Variants in LRRC72 observed in about 807,000 individuals in gnomAD.
The protein encoded by LRRC72 is leucine-rich repeat-containing protein 72.
A neutral mutation model predicts 35.8 loss-of-function variants in LRRC72; 41 were observed. The ratio of observed to expected loss-of-function variants is 1.15; its 90% confidence interval spans 0.89 to 1.49. LRRC72 has a LOEUF of 1.49. LRRC72 is among the 40% of genes most tolerant of loss of function. The pLI is 0.00. For synonymous variants in LRRC72, 118 were observed against 119.2 expected, an observed-to-expected ratio of 0.99 and a Z score of 0.07; for missense variants, 389 against 330.7, an observed-to-expected ratio of 1.18 and a Z score of -1.37.
chr7:16,538,706 C>T (rs1476091), intron 3 of LRRC72, among the ~76,000 whole-genome samples: 71,189 of 152,062 alleles, frequency 0.47, 16,764 homozygotes, highest in East Asian at 0.61. Flanking sequence ...TGGGAGATGA[C>T]TGGATCATGG....
chr7:16,577,309 T>C (rs936065686), intron 7 of LRRC72, among the ~76,000 whole-genome samples: 4 of 152,210 alleles, frequency 2.6e-5, no homozygotes, highest in African/African-American at 9.6e-5. Context: ...CCCCCAAGAA[T>C]TGTGCCATAA....
intron 5 of LRRC72, among the ~76,000 whole-genome samples, chr7:16,564,392 A>T (rs1425311229): frequency 6.6e-6 from 1 of 152,008 alleles, no homozygotes; most frequent in Non-Finnish European, 1.5e-5. Flanking sequence ...CTCTTTTATT[A>T]GTGGTTTAAT....
rs149503554 is a variant in LRRC72 at position 16,577,649 on chromosome 7, T to A, written c.671-2425T>A. Reference sequence around the variant, plus strand: ...AATTAAAATGCAAAATTGGAGGAAGTCTTTATAACATATATAATAGGCAGA... The same window carrying A: ...AATTAAAATGCAAAATTGGAGGAAGACTTTATAACATATATAATAGGCAGA... On this transcript the variant is annotated intron_variant, in intron 7 of 8. Transcript: ENST00000401542. Among the ~76,000 whole-genome samples, 438 of 152,270 alleles carry A rather than the reference T, an allele frequency of 2.9e-3. 8 individuals carry two copies. The highest frequency in any genetic ancestry group is 0.026 in the Admixed American group (399 of 15,286).
At chr7:16,551,201 A>G (rs981489248) in intron 3 of LRRC72, among the ~76,000 whole-genome samples, 1 of 152,240 alleles carries the variant, frequency 6.6e-6, no homozygotes, top group East Asian at 1.9e-4. Context: ...GATCACATGA[A>G]GACACCAGAA....
chr7:16,536,850 G>A (rs1022587104), intron 2 of LRRC72: 2 of 151,988 alleles, frequency 1.3e-5, no homozygotes, highest in African/African-American at 2.4e-5. Context: ...CACACAATAC[G>A]TGATCTATAA....
intron 7 of LRRC72, among the ~76,000 whole-genome samples, chr7:16,578,652 T>G (rs895543184): frequency 1.3e-5 from 2 of 152,304 alleles, no homozygotes; most frequent in Admixed American, 1.3e-4. Flanking sequence ...GAAACATACA[T>G]ACAAAACTTT....
chr7:16,555,026 G>T (rs941590268), intron 3 of LRRC72, among the ~76,000 whole-genome samples: 2 of 152,214 alleles, frequency 1.3e-5, no homozygotes, highest in African/African-American at 4.8e-5. Flanking sequence ...AGAAGGCAGC[G>T]AATTGCTGCC....
intron 1 of LRRC72, among the ~76,000 whole-genome samples, chr7:16,527,424 G>A (rs1249296459): frequency 1.3e-5 from 2 of 151,890 alleles, no homozygotes; most frequent in Non-Finnish European, 2.9e-5. Context: ...CGGAGATTAA[G>A]TAAATTTCGC....
chr7:16,535,922 G>T (rs1475224850), intron 2 of LRRC72, among the ~76,000 whole-genome samples: 1 of 152,084 alleles, frequency 6.6e-6, no homozygotes, highest in South Asian at 2.1e-4. Context: ...ACCCAGGCTG[G>T]AGTGCCATGG....
At chr7:16,552,167 TA>T (rs1265021969) in intron 3 of LRRC72, among the ~76,000 whole-genome samples, 1 of 152,220 alleles carries the variant, frequency 6.6e-6, no homozygotes, top group African/African-American at 2.4e-5. Context: ...GCTGATTTCA[TA>T]AGCTAATAAT....
At chr7:16,557,485 G>GTTGATT (rs1562746794) in intron 4 of LRRC72, 44 bp downstream of exon 4, 29 of 761,366 alleles carry the variant, frequency 3.8e-5, no homozygotes, top group Non-Finnish European at 5.0e-5. Context: ...TTTCAATTAA[G>GTTGATT]TAATAACTTT....
chr7:16,539,016 A>T (rs1344355040), intron 3 of LRRC72, among the ~76,000 whole-genome samples: 1 of 152,228 alleles, frequency 6.6e-6, no homozygotes, highest in Non-Finnish European at 1.5e-5. Context: ...GGATACTGCT[A>T]CAAAGATAAC....
chr7:16,572,685 C>T (rs1055876133), intron 7 of LRRC72, among the ~76,000 whole-genome samples: 1 of 152,194 alleles, frequency 6.6e-6, no homozygotes, highest in African/African-American at 2.4e-5. Flanking sequence ...GACAGACCCA[C>T]AGCCAATATC....
chr7:16,535,362 G>T (rs1174139479), intron 2 of LRRC72, among the ~76,000 whole-genome samples: 1 of 152,128 alleles, frequency 6.6e-6, no homozygotes. Flanking sequence ...AAAAACTCTT[G>T]AAAATTCAGG....
chr7:16,551,899 C>A (rs1782555756), intron 3 of LRRC72, among the ~76,000 whole-genome samples: 4 of 152,170 alleles, frequency 2.6e-5, no homozygotes, highest in Admixed American at 2.0e-4. Flanking sequence ...GTAAAACAAC[C>A]TGGGGCTTGC....
chr7:16,550,050 C>G (rs906836079), intron 3 of LRRC72, among the ~76,000 whole-genome samples: 1 of 151,976 alleles, frequency 6.6e-6, no homozygotes, highest in African/African-American at 2.4e-5. Flanking sequence ...CAGACCACAT[C>G]TCTATGAAAA....
At chr7:16,560,685 GT>G (rs201969915) in intron 5 of LRRC72, among the ~76,000 whole-genome samples, 112 of 140,990 alleles carry the variant, frequency 7.9e-4, no homozygotes, top group Middle Eastern at 3.8e-3. Context: ...AGATAACTCT[GT>G]TTTTTTTTTT....
At chr7:16,529,456 A>T (rs916874472) in intron 1 of LRRC72, among the ~76,000 whole-genome samples, 2 of 151,510 alleles carry the variant, frequency 1.3e-5, no homozygotes, top group Non-Finnish European at 1.5e-5. Context: ...GGGTTTTTTT[A>T]ATGTTACTAT....
At chr7:16,551,297 A>T (rs943716056) in intron 3 of LRRC72, among the ~76,000 whole-genome samples, 1 of 152,344 alleles carries the variant, frequency 6.6e-6, no homozygotes, top group East Asian at 1.9e-4. Context: ...TAACGGACAT[A>T]GTCCCTGTGA....
Sources: gnomAD v4.1 joint callset for allele counts (sites outside exome capture counted in the v4.1 genomes callset) on GRCh38, gnomAD v4.1.1 for gene constraint, MANE v1.5 for transcripts, NCBI Gene and HGNC (gene_info 2026-07-23, HGNC 2026-07-21) for gene names.